Variants in FBXO17 observed in about 807,000 individuals in gnomAD.
FBXO17 encodes the protein F-box only protein 17.
FBXO17 carries 43 observed loss-of-function variants against 34.1 expected under a neutral mutation model. The observed-to-expected ratio is 1.26, with a 90% CI of 0.99 to 1.62. The LOEUF (loss-of-function observed/expected upper bound fraction) is 1.62. Among genes scored for constraint, FBXO17 ranks in the 40% most tolerant of loss-of-function variants. The probability of loss-of-function intolerance (pLI) is 0.00; values close to 1 mark genes in which losing one functional copy is unlikely to be tolerated. For synonymous variants in FBXO17, 169 were observed against 166.0 expected (o/e 1.02, Z -0.14); for missense variants, 424 against 386.7 (o/e 1.10, Z -0.81).
chr19:38,966,311 G>GTGTGTGTGTGTGTC (rs1975321408), intron 1 of FBXO17, among the ~76,000 whole-genome samples: 1 of 145,194 alleles, frequency 6.9e-6, no homozygotes, highest in Non-Finnish European at 1.5e-5. Context: ...GTGTGTGTGT[G>GTGTGTGTGTGTGTC]TGTGTGTGTG....
intron 1 of FBXO17, among the ~76,000 whole-genome samples, chr19:38,970,248 C>T (rs960539638): frequency 2.0e-4 from 31 of 151,706 alleles, no homozygotes; most frequent in African/African-American, 7.5e-4. Flanking sequence ...CACTGTGTTG[C>T]CCAGGCTGGA....
chr19:38,944,984 C>G lies in FBXO17; in HGVS notation c.678G>C (p.Glu226Asp). ...ASPDPVLQWTERGCRQVSHVF... is the reference protein window; with the variant it reads ...ASPDPVLQWTDRGCRQVSHVF... The stretch of plus-strand genomic sequence containing the variant: ...CTGGACCCACCTGTCGGCAGCCCCT[C>G]TCAGTCCACTGAAGGACCGGGTCAG... Residue 226 changes from glutamate to aspartate, a missense_variant, in exon 5 of 6, where the codon GAG becomes GAC. Coordinates refer to ENST00000292852, the MANE Select transcript of FBXO17 (RefSeq NM_024907.7). The G allele has an allele frequency of 1.2e-6, 2 of 1,614,200 alleles. No homozygotes were observed. Among genetic ancestry groups the G allele is most frequent in the Non-Finnish European group, 1.7e-6 (2 of 1,180,032 alleles).
intron 1 of FBXO17, among the ~76,000 whole-genome samples, chr19:38,966,667 T>C (rs184739383): frequency 7.1e-4 from 108 of 152,296 alleles, no homozygotes; most frequent in South Asian, 5.2e-3. Context: ...ATGGAAAAAT[T>C]AAAGCTATGA....
Position 38,941,847 on chromosome 19 carries a change from C to T in FBXO17, c.*761G>A, listed in dbSNP as rs916272507. ...GCCTGTTCCCAACACCAGAGATTTC[C>T]CCAAACAGCAGATGACTTTGTTAGT... On this transcript the variant is annotated 3_prime_UTR_variant, in exon 6 of 6. Coordinates refer to ENST00000292852, the MANE Select transcript of FBXO17 (RefSeq NM_024907.7). 8 of 152,174 alleles carry T rather than the reference C, an allele frequency of 5.3e-5. No individual in the cohort carries two copies. The highest frequency in any genetic ancestry group is 1.9e-4 in the African/African-American group (8 of 41,424). The allele number at this position is 152,174 out of a possible 1,614,324, so 9.4% of individuals were successfully genotyped here.
At chr19:38,950,605 T>G (rs2144818019) in intron 1 of FBXO17, among the ~76,000 whole-genome samples, 1 of 152,360 alleles carries the variant, frequency 6.6e-6, no homozygotes, top group East Asian at 1.9e-4. Context: ...GCTTCAGGTA[T>G]ATGACCAGTG....
rs578199067 is a variant in FBXO17, at chr19:38,951,653, A to ATTT, written c.-17-1320_-17-1318dup. ...TCATCTCTCTTGAGTTTGGCTTTCTATTTTTTTTTTTTTTTTTGAGGCAGC... is the reference window on the plus strand; with the variant it reads ...TCATCTCTCTTGAGTTTGGCTTTCTATTTTTTTTTTTTTTTTTTTTGAGGCAGC... On this transcript the variant is annotated intron_variant, in intron 1 of 5. Coordinates refer to ENST00000292852, the MANE Select transcript of FBXO17 (RefSeq NM_024907.7). 4.3e-3 allele frequency among the ~76,000 whole-genome samples: 550 copies of ATTT among 129,288 alleles called. 5 individuals carry two copies. The highest frequency in any genetic ancestry group is 0.015 in the African/African-American group (512 of 34,468). 84.8% of individuals were successfully genotyped at this position (129,288 alleles called of 152,430 possible).
intron 1 of FBXO17, among the ~76,000 whole-genome samples, chr19:38,964,352 T>G (rs1975292718): frequency 6.6e-6 from 1 of 152,052 alleles, no homozygotes; most frequent in African/African-American, 2.4e-5. Context: ...GTTTGTTTGT[T>G]TGAGACGGAG....
chr19:38,952,784 C>G (rs1210425494), intron 1 of FBXO17: 1 of 458,184 alleles, frequency 2.2e-6, no homozygotes, highest in East Asian at 6.9e-5. Context: ...TGGTCAAACC[C>G]AGACCTTGTT....
chr19:38,973,863 G>T (rs1254658161), intron 1 of FBXO17, among the ~76,000 whole-genome samples: 1 of 150,898 alleles, frequency 6.6e-6, no homozygotes, highest in Non-Finnish European at 1.5e-5. Context: ...TGCACCTGTA[G>T]CCCTAGTTAC....
At chr19:38,965,933 C>T (rs902729646) in intron 1 of FBXO17, among the ~76,000 whole-genome samples, 3 of 151,858 alleles carry the variant, frequency 2.0e-5, no homozygotes, top group Non-Finnish European at 4.4e-5. Flanking sequence ...TGAGCCGTTG[C>T]TCCCAGCCTC....
Position 38,961,027 on chromosome 19 carries a change from C to T in FBXO17, c.-17-10691G>A, listed in dbSNP as rs1454815845. ...TTCACTGTGTTGGCCAGTCTGGTCT[C>T]GAACTCCTGACCTCAAGTGATCCTC... On this transcript the variant is annotated intron_variant, in intron 1 of 5. Transcript: ENST00000292852. Among the ~76,000 whole-genome samples, 7 of 151,360 alleles carry T rather than the reference C, an allele frequency of 4.6e-5. No homozygotes were observed. The East Asian group carries it at 1.4e-3, about 30-fold the overall frequency.
intron 1 of FBXO17, among the ~76,000 whole-genome samples, chr19:38,960,999 G>A (rs938742540): frequency 6.6e-6 from 1 of 151,794 alleles, no homozygotes; most frequent in African/African-American, 2.4e-5. Flanking sequence ...GTAGAGACGG[G>A]GTTTCACTGT....
chr19:38,950,209 G>A lies in FBXO17; in HGVS notation c.111C>T (p.Ser37=), dbSNP rs1465490011. Residue 37 remains serine (S), a synonymous_variant, in exon 2 of 6, where the codon TCC becomes TCT. Coordinates refer to ENST00000292852, the MANE Select transcript of FBXO17 (RefSeq NM_024907.7). ...ACACTGGGCGGCATCGCGTGACCAA[G>A]GAGCGTGGCGGCACGTGGCTCAGCA... ...VQVLSHVPPR[S]LVTRCRPVCR... 2 of 1,548,614 alleles carry A rather than the reference G, an allele frequency of 1.3e-6. No homozygotes were observed. The highest frequency in any genetic ancestry group is 1.7e-6 in the Non-Finnish European group (2 of 1,154,614).
At chr19:38,967,240 C>T (rs1040508107) in intron 1 of FBXO17, among the ~76,000 whole-genome samples, 1 of 152,006 alleles carries the variant, frequency 6.6e-6, no homozygotes, top group African/African-American at 2.4e-5. Flanking sequence ...GGTGGATCAC[C>T]TGAGGTCAGG....
chr19:38,948,110 G>A (rs575115315), intron 3 of FBXO17, among the ~76,000 whole-genome samples: 10 of 151,674 alleles, frequency 6.6e-5, no homozygotes, highest in East Asian at 1.9e-4. Context: ...GGGTTCAAGC[G>A]ATTCTCCTGC....
At chr19:38,970,493 C>T (rs1975378123) in intron 1 of FBXO17, among the ~76,000 whole-genome samples, 1 of 152,140 alleles carries the variant, frequency 6.6e-6, no homozygotes, top group Non-Finnish European at 1.5e-5. Context: ...TAGGCGTGAG[C>T]CACCACGGCT....
chr19:38,946,613 T>G, intron 3 of FBXO17, 46 bp from the exon 4 acceptor site: 1 of 1,567,100 alleles, frequency 6.4e-7, no homozygotes, highest in Non-Finnish European at 8.6e-7. Context: ...GTCCTGGCAT[T>G]CAAGTCACAG....
At chr19:38,960,753 C>G (rs1036486940) in intron 1 of FBXO17, among the ~76,000 whole-genome samples, 1 of 151,602 alleles carries the variant, frequency 6.6e-6, no homozygotes, top group African/African-American at 2.4e-5. Flanking sequence ...GGTGAACCAC[C>G]TGCCTCGGCC....
intron 1 of FBXO17, among the ~76,000 whole-genome samples, chr19:38,958,017 G>A (rs1411561578): frequency 6.7e-6 from 1 of 149,660 alleles, no homozygotes; most frequent in Non-Finnish European, 1.5e-5. Flanking sequence ...AGGGGAGAAG[G>A]ATCACCTGAG....
Sources: allele counts gnomAD v4.1 joint callset (sites outside exome capture counted in the v4.1 genomes callset), GRCh38; gene constraint gnomAD v4.1.1; transcripts MANE v1.5; gene names NCBI Gene and HGNC (gene_info 2026-07-23, HGNC 2026-07-21).